The following LRRTM4 variants were observed in gnomAD, a reference collection of about 807,000 sequenced individuals.
LRRTM4 encodes leucine-rich repeat transmembrane neuronal protein 4.
LRRTM4 carries 25 observed loss-of-function variants against 47.6 expected under a neutral mutation model. The ratio of observed to expected loss-of-function variants is 0.53; its 90% CI spans 0.38 to 0.73. LRRTM4 has a LOEUF of 0.73. Ranked by LOEUF, LRRTM4 falls within the 30% of genes least tolerant of loss-of-function variation. The probability of loss-of-function intolerance (pLI) is 0.00; values close to 1 mark genes in which losing one functional copy is unlikely to be tolerated. For missense variants in LRRTM4, 638 were observed against 713.4 expected (o/e 0.89, Z 1.20); for synonymous variants, 311 against 269.5 (o/e 1.15, Z -1.51).
intron 3 of LRRTM4, among the ~76,000 whole-genome samples, chr2:77,457,707 C>A (rs371856029): frequency 1.3e-5 from 2 of 152,126 alleles, no homozygotes; most frequent in African/African-American, 4.8e-5. Context: ...TTCTGTCTTG[C>A]CTCTGTACTG....
chr2:76,749,915 G>C (rs1056553600), intron 3 of LRRTM4, among the ~76,000 whole-genome samples: 1 of 152,216 alleles, frequency 6.6e-6, no homozygotes, highest in African/African-American at 2.4e-5. Flanking sequence ...CCATTGCCCT[G>C]TAAGGTTAGA....
At chr2:77,228,085 T>C (rs1337239481) in intron 3 of LRRTM4, among the ~76,000 whole-genome samples, 1 of 152,058 alleles carries the variant, frequency 6.6e-6, no homozygotes, top group Non-Finnish European at 1.5e-5. Context: ...CAGGACACAA[T>C]TATAAATTCT....
intron 3 of LRRTM4, among the ~76,000 whole-genome samples, chr2:77,275,869 C>G (rs1443087671): frequency 1.3e-5 from 2 of 151,942 alleles, no homozygotes; most frequent in African/African-American, 4.8e-5. Context: ...CAGTGGTTTT[C>G]TCTGGGGAAA....
At chr2:76,785,825 A>G (rs1309564107) in intron 3 of LRRTM4, among the ~76,000 whole-genome samples, 2 of 152,154 alleles carry the variant, frequency 1.3e-5, no homozygotes, top group Non-Finnish European at 2.9e-5. Flanking sequence ...CTTTATTTAT[A>G]AAGATGGGTA....
chr2:77,088,513 G>A (rs1680804607), intron 3 of LRRTM4, among the ~76,000 whole-genome samples: 1 of 152,006 alleles, frequency 6.6e-6, no homozygotes, highest in African/African-American at 2.4e-5. Flanking sequence ...CCCTTTGACT[G>A]TAATTTTCCT....
At chr2:77,382,961 A>T (rs1673120006) in intron 3 of LRRTM4, among the ~76,000 whole-genome samples, 1 of 152,076 alleles carries the variant, frequency 6.6e-6, no homozygotes. Context: ...GTTGCTAAGA[A>T]AATATGCAGA....
Position 77,398,484 on chromosome 2 carries a change from C to A in LRRTM4, c.1551+119834G>T, listed in dbSNP as rs148072384. Among the ~76,000 whole-genome samples, 11 of 151,634 alleles carry A rather than the reference C, an allele frequency of 7.3e-5. No individual in the cohort carries two copies. The East Asian group carries it at 2.1e-3, about 30-fold the overall frequency. On this transcript the variant is annotated intron_variant, in intron 3 of 3. Coordinates refer to ENST00000409884, the MANE Select transcript of LRRTM4 (RefSeq NM_001134745.3). ...ATGAATATCTACAATATAGGAGACACATGAAAGTGAAAAAGAGTCATATGT... is the reference window on the plus strand; with the variant it reads ...ATGAATATCTACAATATAGGAGACAAATGAAAGTGAAAAAGAGTCATATGT...
chr2:77,221,811 A>C (rs1223693098), intron 3 of LRRTM4, among the ~76,000 whole-genome samples: 1 of 152,180 alleles, frequency 6.6e-6, no homozygotes, highest in Non-Finnish European at 1.5e-5. Context: ...ACAGAAAGTT[A>C]ACAGGGCTAT....
chr2:76,823,797 T>A (rs960781729), intron 3 of LRRTM4, among the ~76,000 whole-genome samples: 1 of 151,502 alleles, frequency 6.6e-6, no homozygotes, highest in African/African-American at 2.4e-5. Flanking sequence ...GCAGAGAAAA[T>A]GTTGGAGAAT....
rs565863918 is a variant in LRRTM4, at chr2:76,784,505, G to A, written c.1552-35589C>T. Among the ~76,000 whole-genome samples the A allele has an allele frequency of 7.9e-5, 12 of 151,970 alleles. No individual in the cohort carries two copies. In the East Asian group the frequency reaches 1.7e-3, roughly 22 times the overall value. On this transcript the variant is annotated intron_variant, in intron 3 of 3. Transcript: ENST00000409884. Reference sequence around the variant, plus strand: ...TATGAATGCTGTGTTTTTCTCACTGGGTGATAAGATTAAGCTGATACTTAG... The same window carrying A: ...TATGAATGCTGTGTTTTTCTCACTGAGTGATAAGATTAAGCTGATACTTAG...
intron 3 of LRRTM4, among the ~76,000 whole-genome samples, chr2:77,192,060 T>C (rs1432059066): frequency 6.6e-6 from 1 of 152,086 alleles, no homozygotes; most frequent in African/African-American, 2.4e-5. Flanking sequence ...TATGTAAAGC[T>C]ACAATTTCAC....
chr2:77,055,977 G>A (rs1034306768), intron 3 of LRRTM4, among the ~76,000 whole-genome samples: 15 of 147,354 alleles, frequency 1.0e-4, no homozygotes, highest in African/African-American at 3.3e-4. Context: ...ACTCATAGGT[G>A]GGAATTGAAC....
At chr2:76,906,385 CAA>C (rs1190401769) in intron 3 of LRRTM4, among the ~76,000 whole-genome samples, 1 of 152,062 alleles carries the variant, frequency 6.6e-6, no homozygotes, top group Non-Finnish European at 1.5e-5. Flanking sequence ...CCAGATGCTG[CAA>C]AGTCATGCCA....
At chr2:76,835,856 T>A (rs1324804665) in intron 3 of LRRTM4, among the ~76,000 whole-genome samples, 1 of 152,016 alleles carries the variant, frequency 6.6e-6, no homozygotes, top group East Asian at 1.9e-4. Flanking sequence ...ATTATGAATA[T>A]GAGTGAGAAA....
chr2:76,915,909 A>G (rs774913811), intron 3 of LRRTM4, among the ~76,000 whole-genome samples: 1 of 152,198 alleles, frequency 6.6e-6, no homozygotes, highest in South Asian at 2.1e-4. Context: ...TTGTGAGGAA[A>G]TATTTATTGG....
chr2:77,303,664 A>G (rs1022693199), intron 3 of LRRTM4, among the ~76,000 whole-genome samples: 1 of 152,148 alleles, frequency 6.6e-6, no homozygotes, highest in Admixed American at 6.5e-5. Context: ...TACTTCTATG[A>G]TATCAACTTT....
intron 3 of LRRTM4, among the ~76,000 whole-genome samples, chr2:76,828,833 TAC>T (rs1436524371): frequency 1.3e-5 from 2 of 151,968 alleles, no homozygotes; most frequent in Non-Finnish European, 2.9e-5. Context: ...AATCCACCTT[TAC>T]AGTCTTCTTA....
chr2:77,359,175 T>C (rs1296765595), intron 3 of LRRTM4, among the ~76,000 whole-genome samples: 1 of 152,180 alleles, frequency 6.6e-6, no homozygotes, highest in Non-Finnish European at 1.5e-5. Context: ...CAGATAACTA[T>C]CCACCTTTGT....
chr2:77,012,671 G>A (rs1677917591), intron 3 of LRRTM4, among the ~76,000 whole-genome samples: 1 of 152,078 alleles, frequency 6.6e-6, no homozygotes, highest in African/African-American at 2.4e-5. Context: ...ATATGGAACT[G>A]GGACCCAGAA....
Sources: allele counts gnomAD v4.1 joint callset (sites outside exome capture counted in the v4.1 genomes callset), GRCh38; gene constraint gnomAD v4.1.1; transcripts MANE v1.5; gene names NCBI Gene and HGNC (gene_info 2026-07-23, HGNC 2026-07-21).